The following GCM1 variants were observed in gnomAD, a reference collection of about 807,000 sequenced individuals.
GCM1 encodes the protein GCM transcription factor 1.
GCM1 carries 2 observed loss-of-function variants against 25.7 expected under a neutral mutation model. The ratio of observed to expected loss-of-function variants is 0.08; its 90% CI spans 0.03 to 0.24. GCM1 has a LOEUF of 0.24. Among genes scored for constraint, GCM1 ranks in the 10% least tolerant of loss-of-function variants. GCM1 has a pLI of 1.00. For missense variants in GCM1, 395 were observed against 538.7 expected, an observed-to-expected ratio of 0.73 and a Z score of 2.64; for synonymous variants, 183 against 195.7, an observed-to-expected ratio of 0.94 and a Z score of 0.54.
intron 3 of GCM1, among the ~76,000 whole-genome samples, chr6:53,133,203 C>G (rs760843527): frequency 3.9e-5 from 6 of 152,238 alleles, no homozygotes; most frequent in Non-Finnish European, 7.3e-5. Context: ...TGGAGTCTGT[C>G]ACCCAGGCTG....
Position 53,128,117 on chromosome 6 carries a change from G to A in GCM1, c.*89C>T. 2 of 879,548 alleles carry A rather than the reference G, an allele frequency of 2.3e-6. No individual in the cohort carries two copies. Among genetic ancestry groups the A allele is most frequent in the South Asian group, 1.6e-5 (1 of 60,772 alleles). The allele number at this position is 879,548 out of a possible 1,614,324, so 54.5% of individuals were successfully genotyped here. On this transcript the variant is annotated 3_prime_UTR_variant, in exon 6 of 6. Transcript: ENST00000259803. ...TTATCATGATTCTCATTTATCTGTG[G>A]TTATGTTTTAAAAATTATTTCCTAA...
In GCM1 at chr6:53,131,972, A is replaced by G. The variant is rs747017872; in HGVS notation, c.441+35T>C. The stretch of plus-strand genomic sequence containing the variant: ...TAGCCTCTGGTGAAACTCCTCAGTA[A>G]TGAAACTCTCACGTAACTAACTCAA... On this transcript the variant is annotated intron_variant, in intron 4 of 5. Transcript: ENST00000259803. 5.1e-6 allele frequency: 6 copies of G among 1,178,594 alleles called. No homozygotes were observed. The Admixed American group carries it at 1.0e-4, about 20-fold the overall frequency. The allele number at this position is 1,178,594 out of a possible 1,614,324, so 73.0% of individuals were successfully genotyped here. A position where few individuals can be genotyped will look rare whatever the true frequency, so the allele number is the denominator to read the frequency against.
intron 2 of GCM1, among the ~76,000 whole-genome samples, chr6:53,142,540 A>G (rs1018942142): frequency 6.6e-6 from 1 of 152,174 alleles, no homozygotes; most frequent in Non-Finnish European, 1.5e-5. Context: ...TACAGAATAT[A>G]TTTAGGGAAC....
At chr6:53,137,598 G>A (rs191509408) in intron 2 of GCM1, among the ~76,000 whole-genome samples, 101 of 152,018 alleles carry the variant, frequency 6.6e-4, no homozygotes, top group African/African-American at 2.0e-3. Context: ...GACCAGCCTG[G>A]GCAACACAGT....
intron 3 of GCM1, among the ~76,000 whole-genome samples, chr6:53,133,831 A>G (rs567628721): frequency 6.6e-6 from 1 of 152,136 alleles, no homozygotes; most frequent in South Asian, 2.1e-4. Context: ...CAGTGCCTTA[A>G]CCCAAGGAGG....
At chr6:53,134,513 T>C (rs1017467354) in intron 2 of GCM1, among the ~76,000 whole-genome samples, 189 bp from the exon 3 acceptor site, 3 of 152,162 alleles carry the variant, frequency 2.0e-5, no homozygotes, top group African/African-American at 7.2e-5. Flanking sequence ...GGCAACTGAG[T>C]GCTGTGTCTG....
At chr6:53,133,331 ATGTGTGTG>A (rs5876306) in intron 3 of GCM1, among the ~76,000 whole-genome samples, 7 of 145,206 alleles carry the variant, frequency 4.8e-5, no homozygotes, top group African/African-American at 7.6e-5. Flanking sequence ...CACCCGGCAA[ATGTGTGTG>A]TGTGTGTGTG....
intron 1 of GCM1, among the ~76,000 whole-genome samples, chr6:53,148,018 T>C (rs752787379): frequency 5.9e-5 from 9 of 152,170 alleles, no homozygotes; most frequent in Non-Finnish European, 1.3e-4. Context: ...TACAACCTAG[T>C]GGTTGCAGAG....
chr6:53,131,848 C>T, intron 4 of GCM1, 159 bp downstream of exon 4: 1 of 627,110 alleles, frequency 1.6e-6, no homozygotes, highest in Non-Finnish European at 2.9e-6. Context: ...AGCTCCCCAG[C>T]ACTTCAAACA....
chr6:53,144,127 A>T (rs1175365518), intron 2 of GCM1, among the ~76,000 whole-genome samples: 1 of 152,220 alleles, frequency 6.6e-6, no homozygotes, highest in Non-Finnish European at 1.5e-5. Flanking sequence ...ACAGTGATAC[A>T]TGTTGAAAAT....
intron 2 of GCM1, among the ~76,000 whole-genome samples, chr6:53,135,691 C>T (rs929133143): frequency 6.6e-6 from 1 of 152,174 alleles, no homozygotes; most frequent in Non-Finnish European, 1.5e-5. Flanking sequence ...CATTTTTCAT[C>T]TAGACGGTTC....
At chr6:53,143,086 C>T (rs893537763) in intron 2 of GCM1, among the ~76,000 whole-genome samples, 12 of 151,998 alleles carry the variant, frequency 7.9e-5, no homozygotes, top group African/African-American at 2.7e-4. Flanking sequence ...TAAACCCAGA[C>T]GAGGATGGTA....
Position 53,127,179 on chromosome 6 carries a change from A to G in GCM1, c.*1027T>C, listed in dbSNP as rs1763652264. On this transcript the variant is annotated 3_prime_UTR_variant, in exon 6 of 6. Coordinates refer to ENST00000259803, the MANE Select transcript of GCM1 (RefSeq NM_003643.4). ...AGGTGCCACAAATAATAAATGGGATAAAACAGAAGCCCCTGTGCAAGGGGA... is the reference window on the plus strand; with the variant it reads ...AGGTGCCACAAATAATAAATGGGATGAAACAGAAGCCCCTGTGCAAGGGGA... 1 of 152,240 alleles carries G rather than the reference A, an allele frequency of 6.6e-6. No homozygotes were observed. Among genetic ancestry groups the G allele is most frequent in the Non-Finnish European group, 1.5e-5 (1 of 68,046 alleles). The allele number at this position is 152,240 out of a possible 1,614,324, so 9.4% of individuals were successfully genotyped here. A position where few individuals can be genotyped will look rare whatever the true frequency, so the allele number is the denominator to read the frequency against.
intron 2 of GCM1, among the ~76,000 whole-genome samples, chr6:53,144,945 G>A (rs1463216728): frequency 1.5e-4 from 14 of 94,674 alleles, no homozygotes; most frequent in Admixed American, 3.2e-4. Context: ...AGAGGAAGAA[G>A]AAAGAAAAGA....
chr6:53,147,897 A>G (rs1270845345), intron 1 of GCM1, among the ~76,000 whole-genome samples: 2 of 152,120 alleles, frequency 1.3e-5, no homozygotes, highest in African/African-American at 4.8e-5. Flanking sequence ...TCTAGTAACA[A>G]ACTATAGAAA....
At chr6:53,142,411 C>G (rs1412800721) in intron 2 of GCM1, among the ~76,000 whole-genome samples, 1 of 152,238 alleles carries the variant, frequency 6.6e-6, no homozygotes, top group Non-Finnish European at 1.5e-5. Flanking sequence ...CACCAATGCA[C>G]AGGATGGTGA....
intron 2 of GCM1, 67 bp downstream of exon 2, chr6:53,145,491 T>G (rs1763941252): frequency 1.2e-6 from 1 of 854,934 alleles, no homozygotes; most frequent in Non-Finnish European, 2.0e-6. Context: ...CTTCCAGGTC[T>G]CCGCATGTTA....
At chr6:53,142,734 T>C (rs186858439) in intron 2 of GCM1, among the ~76,000 whole-genome samples, 2 of 152,212 alleles carry the variant, frequency 1.3e-5, no homozygotes, top group African/African-American at 4.8e-5. Flanking sequence ...TCAGGCACTG[T>C]GCTAGGCACA....
chr6:53,146,216 ATT>A (rs70980806), intron 1 of GCM1, among the ~76,000 whole-genome samples: 24,874 of 92,116 alleles, frequency 0.27, 2,247 homozygotes, highest in Non-Finnish European at 0.38. Context: ...ATATATATAT[ATT>A]TTTTTTTTTT....
Sources: allele counts gnomAD v4.1 joint callset (sites outside exome capture counted in the v4.1 genomes callset), GRCh38; gene constraint gnomAD v4.1.1; transcripts MANE v1.5; gene names NCBI Gene and HGNC (gene_info 2026-07-23, HGNC 2026-07-21).